RSF1: variants seen among roughly 807,000 people sequenced by gnomAD.
The protein encoded by RSF1 is remodeling and spacing factor 1.
RSF1 carries 13 observed loss-of-function variants against 145.2 expected under a neutral mutation model. That is an observed-to-expected ratio of 0.09 (90% CI 0.06 to 0.14). The LOEUF is 0.14. Among genes scored for constraint, RSF1 ranks in the 10% least tolerant of loss-of-function variants. The probability of loss-of-function intolerance (pLI) is 1.00; values close to 1 mark genes in which losing one functional copy is unlikely to be tolerated. For missense variants in RSF1, 1,517 were observed against 1,718.2 expected (o/e 0.88, Z 2.07); for synonymous variants, 577 against 592.6 (o/e 0.97, Z 0.38).
intron 1 of RSF1, among the ~76,000 whole-genome samples, chr11:77,771,339 A>G (rs1215162633): frequency 6.6e-6 from 1 of 152,204 alleles, no homozygotes; most frequent in Non-Finnish European, 1.5e-5. Context: ...CCTCTTTAAT[A>G]AAGATGACAC....
In RSF1 at chr11:77,665,698, C is replaced by A. The variant is rs1959345243; in HGVS notation, c.*1219G>T. The A allele has an allele frequency of 1.3e-5, 2 of 152,042 alleles. No homozygotes were observed. Among genetic ancestry groups the A allele is most frequent in the Non-Finnish European group, 1.5e-5 (1 of 68,026 alleles). 9.4% of individuals were successfully genotyped at this position (152,042 alleles called of 1,614,324 possible). A position where few individuals can be genotyped will look rare whatever the true frequency, so the allele number is the denominator to read the frequency against. ...TGAATTTTAATAGAAGTCTAATGGC[C>A]AAAGGCCAAAACTACATTCAAACTC... is the stretch of plus-strand genomic sequence containing the variant. On this transcript the variant is annotated 3_prime_UTR_variant, in exon 16 of 16. Coordinates refer to ENST00000308488, the MANE Select transcript of RSF1 (RefSeq NM_016578.4).
At chr11:77,815,870 T>C (rs886556490) in intron 1 of RSF1, among the ~76,000 whole-genome samples, 13 of 152,198 alleles carry the variant, frequency 8.5e-5, no homozygotes, top group East Asian at 1.9e-4. Context: ...GTGAGGTCTG[T>C]TTAAGAACTT....
At chr11:77,699,737 C>T (rs1270088636) in intron 6 of RSF1, among the ~76,000 whole-genome samples, 1 of 152,136 alleles carries the variant, frequency 6.6e-6, no homozygotes. Context: ...GTCCCTTGAC[C>T]CAGCAATTCC....
chr11:77,690,887 G>A lies in RSF1; in HGVS notation c.2900+272C>T, dbSNP rs544262833. 3.3e-4 allele frequency: 148 copies of A among 441,850 alleles called. 1 individual carries two copies. The South Asian group carries it at 3.5e-3, about 10-fold the overall frequency. The allele number at this position is 441,850 out of a possible 1,614,324, so 27.4% of individuals were successfully genotyped here. A position where few individuals can be genotyped will look rare whatever the true frequency, so the allele number is the denominator to read the frequency against. On this transcript the variant is annotated intron_variant, in intron 9 of 15. Transcript: ENST00000308488. ...TATACAAACAAATGAGCAAGGTTGC[G>A]TTCAATAAAACTTTATTCACAGACA...
intron 15 of RSF1, among the ~76,000 whole-genome samples, chr11:77,671,138 A>AATATATATATATAT (rs1225103987): frequency 7.7e-4 from 17 of 22,034 alleles, no homozygotes; most frequent in Non-Finnish European, 1.2e-3. Flanking sequence ...AAAAAAAAAA[A>AATATATATATATAT]ATATATATAT....
At chr11:77,760,533 C>T (rs1258897581) in intron 2 of RSF1, among the ~76,000 whole-genome samples, 2 of 152,114 alleles carry the variant, frequency 1.3e-5, no homozygotes, top group African/African-American at 4.8e-5. Flanking sequence ...ATGAACTGTA[C>T]ACTTCAAAAT....
the RSF1 span, among the ~76,000 whole-genome samples, chr11:77,865,966 A>C: frequency 6.6e-6 from 1 of 152,232 alleles, no homozygotes; most frequent in Non-Finnish European, 1.5e-5. Context: ...AATTCAGACA[A>C]GCAATAATGA....
At chr11:77,744,248 T>G (rs1207818855) in intron 3 of RSF1, among the ~76,000 whole-genome samples, 1 of 152,164 alleles carries the variant, frequency 6.6e-6, no homozygotes, top group Non-Finnish European at 1.5e-5. Context: ...AGGCTGGTCC[T>G]GAACTCCTGA....
rs1959671313 is a variant in RSF1, at chr11:77,675,276, T to A, written c.3342-20A>T. On this transcript the variant is annotated intron_variant, in intron 13 of 15. Coordinates refer to ENST00000308488, the MANE Select transcript of RSF1 (RefSeq NM_016578.4). The stretch of plus-strand genomic sequence containing the variant: ...TGAGATCTGTCCAAGAGAAATCAGA[T>A]AAAATACAATGGTATTTAGAAGAGT... 2.5e-6 allele frequency: 4 copies of A among 1,585,928 alleles called. No individual in the cohort carries two copies. Among genetic ancestry groups the A allele is most frequent in the Non-Finnish European group, 3.4e-6 (4 of 1,166,992 alleles).
chr11:77,802,579 T>C (rs572725552), intron 1 of RSF1, among the ~76,000 whole-genome samples: 10 of 152,316 alleles, frequency 6.6e-5, no homozygotes, highest in African/African-American at 1.7e-4. Flanking sequence ...GTTTTACTCT[T>C]ATTGCTCAGG....
chr11:77,822,840 T>A (rs901454931), upstream of RSF1, among the ~76,000 whole-genome samples: 4 of 152,206 alleles, frequency 2.6e-5, no homozygotes, highest in African/African-American at 9.6e-5. Context: ...ATGTACTTAA[T>A]GCCACTGAAG....
chr11:77,869,923 C>T, the RSF1 span: 6 of 1,057,124 alleles, frequency 5.7e-6, no homozygotes, highest in African/African-American at 4.7e-5. Context: ...TATCATGTAC[C>T]CTCATTTTGC....
At chr11:77,802,065 T>A (rs150477840) in intron 1 of RSF1, among the ~76,000 whole-genome samples, 120 of 152,226 alleles carry the variant, frequency 7.9e-4, no homozygotes, top group African/African-American at 2.7e-3. Flanking sequence ...GGTGAATGCA[T>A]TCATGTGCTG....
At chr11:77,850,404 C>T in the RSF1 span, among the ~76,000 whole-genome samples, 1 of 152,110 alleles carries the variant, frequency 6.6e-6, no homozygotes, top group African/African-American at 2.4e-5. Context: ...CCCATACTTT[C>T]CTTCTGTTTT....
intron 11 of RSF1, among the ~76,000 whole-genome samples, chr11:77,681,162 TG>T (rs1959849486): frequency 1.3e-5 from 2 of 152,204 alleles, no homozygotes; most frequent in African/African-American, 4.8e-5. Context: ...CAACACTCCA[TG>T]TATCTATAGT....
chr11:77,804,542 C>CT (rs1368432676), intron 1 of RSF1, among the ~76,000 whole-genome samples: 1 of 152,128 alleles, frequency 6.6e-6, no homozygotes, highest in African/African-American at 2.4e-5. Flanking sequence ...CACATGGTGT[C>CT]TAATAGTTGG....
chr11:77,675,241 A>G lies in RSF1; in HGVS notation c.3357T>C (p.Phe1119=), dbSNP rs1450637989. The G allele has an allele frequency of 6.2e-7, 1 of 1,612,800 alleles. No homozygotes were observed. The highest frequency in any genetic ancestry group is 1.1e-5 in the South Asian group (1 of 90,828). Residue 1119 remains phenylalanine (F), a synonymous_variant, in exon 14 of 16, where the codon TTT becomes TTC. Coordinates refer to ENST00000308488, the MANE Select transcript of RSF1 (RefSeq NM_016578.4). ...CATCTGGGTTTTCATCAGACACAAC[A>G]AACTCATCTTGAGATCTGTCCAAGA... ...FKISDGSQDE[F]VVSDENPDES...
chr11:77,666,935 A>G lies in RSF1; in HGVS notation c.4308T>C (p.Cys1436=), dbSNP rs994086727. Residue 1436 remains cysteine (C), a synonymous_variant, in exon 16 of 16, where the codon TGT becomes TGC. Coordinates refer to ENST00000308488, the MANE Select transcript of RSF1 (RefSeq NM_016578.4). ...AAAAGTCTTATAACTGTTCACTGTTACAGACATAATCAACAAGGTCAGTCA... is the reference window on the plus strand; with the variant it reads ...AAAAGTCTTATAACTGTTCACTGTTGCAGACATAATCAACAAGGTCAGTCA... The part of the protein sequence containing the change: ...LRVTDLVDYV[C]NSEQL 7 of 1,577,854 alleles carry G rather than the reference A, an allele frequency of 4.4e-6. No individual in the cohort carries two copies. The African/African-American group carries it at 9.5e-5, about 21-fold the overall frequency.
intron 4 of RSF1, among the ~76,000 whole-genome samples, chr11:77,736,845 T>C (rs190005569): frequency 6.6e-6 from 1 of 152,340 alleles, no homozygotes; most frequent in East Asian, 1.9e-4. Flanking sequence ...AGCCATACTA[T>C]TCACTATTAC....
Sources: allele counts gnomAD v4.1 joint callset (sites outside exome capture counted in the v4.1 genomes callset), GRCh38; gene constraint gnomAD v4.1.1; transcripts MANE v1.5; gene names NCBI Gene and HGNC (gene_info 2026-07-23, HGNC 2026-07-21).